Variants in HNMT observed in about 807,000 individuals in gnomAD.
The protein encoded by HNMT is histamine N-methyltransferase.
HNMT carries 30 observed loss-of-function variants against 32.1 expected under a neutral mutation model. The ratio of observed to expected loss-of-function variants is 0.93; its 90% CI spans 0.70 to 1.27. The LOEUF is 1.27. HNMT is among the 50% of genes most tolerant of loss of function. The pLI, the probability that HNMT is intolerant of heterozygous loss-of-function variation, is 0.00. For missense variants in HNMT, 327 were observed against 346.0 expected, an observed-to-expected ratio of 0.95 and a Z score of 0.43; for synonymous variants, 125 against 119.0, an observed-to-expected ratio of 1.05 and a Z score of -0.33.
chr2:138,013,757 T>C lies in HNMT; in HGVS notation c.524-18T>C. The C allele has an allele frequency of 6.3e-7, 1 of 1,587,890 alleles. No individual in the cohort carries two copies. Among genetic ancestry groups the C allele is most frequent in the Non-Finnish European group, 8.6e-7 (1 of 1,159,314 alleles). ...AAGAAAGAATAAATGAAAGCATGAC[T>C]TGTGTTTTATTGCACAGGAAGCAGT... On this transcript the variant is annotated intron_variant, in intron 5 of 5. Transcript: ENST00000280097.
At chr2:137,986,782 C>T (rs1381218404) in intron 2 of HNMT, among the ~76,000 whole-genome samples, 5 of 152,094 alleles carry the variant, frequency 3.3e-5, no homozygotes, top group South Asian at 2.1e-4. Flanking sequence ...ATAATTCTAT[C>T]GCCATTAGAT....
intron 4 of HNMT, among the ~76,000 whole-genome samples, chr2:138,004,689 A>C (rs1681279331): frequency 6.6e-6 from 1 of 152,124 alleles, no homozygotes; most frequent in Admixed American, 6.6e-5. Context: ...ATCTGTGAGC[A>C]TATGGAGAAG....
At chr2:138,007,897 T>C (rs991027981) in intron 5 of HNMT, among the ~76,000 whole-genome samples, 1 of 151,974 alleles carries the variant, frequency 6.6e-6, no homozygotes, top group East Asian at 1.9e-4. Flanking sequence ...CACACTTCCG[T>C]TGAACCTGCT....
At chr2:137,991,558 T>C (rs1314914606) in intron 2 of HNMT, among the ~76,000 whole-genome samples, 1 of 152,132 alleles carries the variant, frequency 6.6e-6, no homozygotes, top group Non-Finnish European at 1.5e-5. Context: ...CACCATAAAA[T>C]TATAATAAAA....
intron 2 of HNMT, among the ~76,000 whole-genome samples, chr2:138,000,310 C>T (rs1025576975): frequency 1.1e-4 from 16 of 152,064 alleles, no homozygotes; most frequent in African/African-American, 3.9e-4. Context: ...TCGTCCTCTC[C>T]CCATATGTTC....
At chr2:138,005,107 C>A in intron 4 of HNMT, 25 bp from the exon 5 acceptor site, 2 of 1,263,614 alleles carry the variant, frequency 1.6e-6, no homozygotes, top group African/African-American at 1.5e-5. Context: ...AGAAGCAGCT[C>A]ATTTCTCTTT....
At chr2:137,987,308 C>A (rs1181285400) in intron 2 of HNMT, among the ~76,000 whole-genome samples, 2 of 152,102 alleles carry the variant, frequency 1.3e-5, no homozygotes, top group South Asian at 2.1e-4. Context: ...TTGCCCTACT[C>A]CCCTTAAATG....
intron 3 of HNMT, among the ~76,000 whole-genome samples, chr2:138,001,650 A>G (rs1219637927): frequency 6.6e-6 from 1 of 152,172 alleles, no homozygotes; most frequent in East Asian, 1.9e-4. Context: ...GTCAGGAAGT[A>G]GAACGATATA....
chr2:137,982,109 G>A (rs1387095325), intron 2 of HNMT, among the ~76,000 whole-genome samples: 1 of 152,152 alleles, frequency 6.6e-6, no homozygotes, highest in Non-Finnish European at 1.5e-5. Context: ...TAGGCCTCCC[G>A]AAGTGCTGGG....
At chr2:137,967,218 C>G in intron 1 of HNMT, 1 of 705,230 alleles carries the variant, frequency 1.4e-6, no homozygotes, top group Non-Finnish European at 2.6e-6. Flanking sequence ...TGAGACCAGC[C>G]TGGGCAACAT....
chr2:137,999,294 C>T (rs1383300238), intron 2 of HNMT, among the ~76,000 whole-genome samples: 2 of 152,108 alleles, frequency 1.3e-5, no homozygotes, highest in African/African-American at 2.4e-5. Flanking sequence ...TAAATGGCAG[C>T]TATAGTCATC....
intron 2 of HNMT, among the ~76,000 whole-genome samples, chr2:137,979,357 G>A (rs1468150777): frequency 4.7e-5 from 7 of 150,456 alleles, no homozygotes; most frequent in South Asian, 2.1e-4. Context: ...TGCAAGCTCC[G>A]CCTCCCGGGT....
chr2:137,983,567 C>T (rs115643457), intron 2 of HNMT, among the ~76,000 whole-genome samples: 75 of 152,218 alleles, frequency 4.9e-4, no homozygotes, highest in Non-Finnish European at 8.2e-4. Context: ...CGTTTATTAA[C>T]GTGCAGTGCT....
intron 2 of HNMT, among the ~76,000 whole-genome samples, chr2:137,989,307 A>G (rs1375712646): frequency 6.6e-6 from 1 of 152,146 alleles, no homozygotes; most frequent in Non-Finnish European, 1.5e-5. Flanking sequence ...CCAGAATGTC[A>G]TCTAGTTGAA....
intron 2 of HNMT, chr2:137,981,576 A>AT: frequency 1.8e-6 from 1 of 560,430 alleles, no homozygotes; most frequent in East Asian, 2.8e-5. Context: ...TCCAATGGTT[A>AT]GAACCTGACA....
intron 2 of HNMT, among the ~76,000 whole-genome samples, chr2:137,992,223 C>T (rs1680842891): frequency 6.6e-6 from 1 of 152,194 alleles, no homozygotes; most frequent in Non-Finnish European, 1.5e-5. Context: ...GTGACCAGAA[C>T]TGGGTGTGGC....
At chr2:137,979,093 T>C (rs1270901584) in intron 2 of HNMT, among the ~76,000 whole-genome samples, 1 of 145,628 alleles carries the variant, frequency 6.9e-6, no homozygotes, top group Non-Finnish European at 1.5e-5. Context: ...ATAGTATAGT[T>C]ATATATATTA....
At chr2:137,976,439 C>T (rs1436968126) in intron 2 of HNMT, among the ~76,000 whole-genome samples, 2 of 152,096 alleles carry the variant, frequency 1.3e-5, no homozygotes, top group African/African-American at 4.8e-5. Context: ...GGCCATCAAA[C>T]GTGCTTTCAG....
intron 2 of HNMT, among the ~76,000 whole-genome samples, chr2:137,989,243 C>A (rs565008279): frequency 8.0e-4 from 122 of 152,300 alleles, no homozygotes; most frequent in African/African-American, 2.8e-3. Context: ...CACATCCACC[C>A]CTCAGCCCCT....
Sources: gnomAD v4.1 joint callset for allele counts (sites outside exome capture counted in the v4.1 genomes callset) on GRCh38, gnomAD v4.1.1 for gene constraint, MANE v1.5 for transcripts, NCBI Gene and HGNC (gene_info 2026-07-23, HGNC 2026-07-21) for gene names.